PRR16: variants seen among roughly 807,000 people sequenced by gnomAD.
PRR16 encodes protein Largen.
Under a neutral mutation model 18.2 loss-of-function variants are expected in PRR16, and 6 were observed. The observed-to-expected ratio is 0.33, with a 90% CI of 0.18 to 0.65. PRR16 has a LOEUF of 0.65. Among genes scored for constraint, PRR16 ranks in the 30% least tolerant of loss-of-function variants. The pLI is 0.74. For missense variants in PRR16, 412 were observed against 376.6 expected (o/e 1.09, Z -0.78); for synonymous variants, 151 against 147.8 (o/e 1.02, Z -0.16).
At chr5:120,676,130 GT>G (rs1348355785) in intron 1 of PRR16, among the ~76,000 whole-genome samples, 8 of 152,026 alleles carry the variant, frequency 5.3e-5, no homozygotes. Context: ...TATTGTCACT[GT>G]TTGTTTTAGT....
At chr5:120,491,444 CTT>C (rs1750038496) in intron 1 of PRR16, among the ~76,000 whole-genome samples, 2 of 84,776 alleles carry the variant, frequency 2.4e-5, no homozygotes, top group East Asian at 4.3e-4. Context: ...CTTTCCTTTC[CTT>C]TCCTTTCCTT....
At chr5:120,721,784 G>C in the PRR16 span, among the ~76,000 whole-genome samples, 2 of 152,090 alleles carry the variant, frequency 1.3e-5, no homozygotes, top group African/African-American at 2.4e-5. Flanking sequence ...TGGAACAGCA[G>C]TTAAGTGGCT....
chr5:120,680,413 A>G (rs993656500), intron 1 of PRR16, among the ~76,000 whole-genome samples: 1 of 152,178 alleles, frequency 6.6e-6, no homozygotes, highest in Admixed American at 6.5e-5. Context: ...CATTTTAACT[A>G]CTTTATATTT....
the PRR16 span, among the ~76,000 whole-genome samples, chr5:120,742,996 A>G: frequency 6.6e-6 from 1 of 152,224 alleles, no homozygotes; most frequent in Non-Finnish European, 1.5e-5. Flanking sequence ...CACTAAACAC[A>G]ACTGAATAAT....
intron 1 of PRR16, among the ~76,000 whole-genome samples, chr5:120,545,540 A>T (rs906080349): frequency 6.6e-6 from 1 of 152,102 alleles, no homozygotes; most frequent in African/African-American, 2.4e-5. Context: ...GATAAAAATT[A>T]TTAAACATAT....
chr5:120,593,343 C>T lies in PRR16; in HGVS notation c.160-92611C>T, dbSNP rs145897560. Among the ~76,000 whole-genome samples the T allele has an allele frequency of 2.7e-3, 406 of 152,004 alleles. 2 individuals are homozygous for T. The highest frequency in any genetic ancestry group is 9.4e-3 in the African/African-American group (391 of 41,500). On this transcript the variant is annotated intron_variant, in intron 1 of 1. Coordinates refer to ENST00000407149, the MANE Select transcript of PRR16 (RefSeq NM_001300783.2). ...CGTTACCGCTGACCCCAAAGAGATA[C>T]AAATAATCACTAGAGACTACTAGGA...
At chr5:120,710,670 A>T in the PRR16 span, 1 of 152,102 alleles carries the variant, frequency 6.6e-6, no homozygotes, top group African/African-American at 2.4e-5. Flanking sequence ...AAAGACACAA[A>T]TGTATTATTA....
intron 1 of PRR16, among the ~76,000 whole-genome samples, chr5:120,619,956 T>C (rs532421807): frequency 6.6e-6 from 1 of 152,144 alleles, no homozygotes; most frequent in Non-Finnish European, 1.5e-5. Context: ...GAGTTGGAGG[T>C]AGGTCAGAGA....
At chr5:120,689,485 C>G (rs1757185227), downstream of PRR16, among the ~76,000 whole-genome samples, 1 of 152,132 alleles carries the variant, frequency 6.6e-6, no homozygotes, top group Admixed American at 6.6e-5. Context: ...GTACATATTT[C>G]CTCTTCCTAA....
At chr5:120,683,046 C>A (rs1393421893) in intron 1 of PRR16, among the ~76,000 whole-genome samples, 1 of 152,026 alleles carries the variant, frequency 6.6e-6, no homozygotes, top group Non-Finnish European at 1.5e-5. Context: ...TGCAAACATT[C>A]TGTGGCAGGA....
Position 120,589,906 on chromosome 5 carries a change from T to C in PRR16, c.160-96048T>C, listed in dbSNP as rs182836234. ...CAAAGGCCACAAGCTAAAGAGAAAT[T>C]GGATTTGGAATTTGCTTGCCAAGAA... On this transcript the variant is annotated intron_variant, in intron 1 of 1. Transcript: ENST00000407149. Among the ~76,000 whole-genome samples the C allele has an allele frequency of 1.4e-3, 216 of 152,106 alleles. 1 individual carries two copies. Among genetic ancestry groups the C allele is most frequent in the African/African-American group, 4.9e-3 (204 of 41,516 alleles).
the PRR16 span, among the ~76,000 whole-genome samples, chr5:120,766,110 T>C: frequency 6.6e-6 from 1 of 151,986 alleles, no homozygotes; most frequent in African/African-American, 2.4e-5. Flanking sequence ...TCTATCTAGG[T>C]ATTATACACA....
intron 1 of PRR16, among the ~76,000 whole-genome samples, chr5:120,612,107 T>C (rs1754355600): frequency 6.6e-6 from 1 of 152,192 alleles, no homozygotes; most frequent in African/African-American, 2.4e-5. Context: ...CTGTAACCCC[T>C]TTGTTTTGGC....
the PRR16 span, among the ~76,000 whole-genome samples, chr5:120,731,466 G>A: frequency 6.6e-6 from 1 of 152,164 alleles, no homozygotes; most frequent in African/African-American, 2.4e-5. Context: ...TCCACATTCA[G>A]TGATATTATG....
intron 1 of PRR16, among the ~76,000 whole-genome samples, chr5:120,681,765 A>C (rs1246237696): frequency 6.6e-6 from 1 of 152,174 alleles, no homozygotes; most frequent in Non-Finnish European, 1.5e-5. Context: ...GTATGAACCT[A>C]TTCCTAAATT....
chr5:120,748,050 C>G, the PRR16 span, among the ~76,000 whole-genome samples: 66 of 152,096 alleles, frequency 4.3e-4, no homozygotes, highest in Middle Eastern at 6.8e-3. Context: ...TGTGAATGAT[C>G]CGTGCACTAT....
At chr5:120,624,933 C>A (rs980073187) in intron 1 of PRR16, among the ~76,000 whole-genome samples, 1 of 152,114 alleles carries the variant, frequency 6.6e-6, no homozygotes, top group Non-Finnish European at 1.5e-5. Context: ...GTTCCCTGCG[C>A]AAGCTCTCTT....
chr5:120,586,670 A>G (rs1753453660), intron 1 of PRR16, among the ~76,000 whole-genome samples: 1 of 152,082 alleles, frequency 6.6e-6, no homozygotes, highest in East Asian at 1.9e-4. Context: ...CTAATTGAGA[A>G]ATGTTGTGTA....
intron 1 of PRR16, among the ~76,000 whole-genome samples, chr5:120,600,645 G>C (rs572326926): frequency 1.3e-5 from 2 of 151,704 alleles, no homozygotes; most frequent in Non-Finnish European, 2.9e-5. Flanking sequence ...GTGTTTCTGG[G>C]GTTTGATGTA....
Sources: allele counts gnomAD v4.1 joint callset (sites outside exome capture counted in the v4.1 genomes callset), GRCh38; gene constraint gnomAD v4.1.1; transcripts MANE v1.5; gene names NCBI Gene and HGNC (gene_info 2026-07-23, HGNC 2026-07-21).